PTPRO: variants seen among roughly 807,000 people sequenced by gnomAD.
PTPRO encodes protein tyrosine phosphatase receptor type O.
A neutral mutation model predicts 145.2 loss-of-function variants in PTPRO; 62 were observed. The observed-to-expected ratio is 0.43, with a 90% CI of 0.35 to 0.53. PTPRO has a LOEUF of 0.53. PTPRO is among the 20% of genes least tolerant of loss of function. The pLI, the probability that PTPRO is intolerant of heterozygous loss-of-function variation, is 0.01. For synonymous variants in PTPRO, 565 were observed against 514.7 expected, an observed-to-expected ratio of 1.10 and a Z score of -1.32; for missense variants, 1,345 against 1,482.7, an observed-to-expected ratio of 0.91 and a Z score of 1.53.
At chr12:15,548,204 A>G (rs1348544022) in intron 13 of PTPRO, among the ~76,000 whole-genome samples, 2 of 74,062 alleles carry the variant, frequency 2.7e-5, no homozygotes, top group Admixed American at 1.3e-4. Context: ...ACTTACGGTA[A>G]AAAAAAAATG....
chr12:15,455,368 T>A (rs1941150215), intron 1 of PTPRO, among the ~76,000 whole-genome samples: 1 of 151,424 alleles, frequency 6.6e-6, no homozygotes, highest in South Asian at 2.1e-4. Context: ...TTTTCCTGAG[T>A]TTTTTCTCAA....
intron 1 of PTPRO, among the ~76,000 whole-genome samples, chr12:15,345,856 G>C (rs190780222): frequency 1.2e-4 from 18 of 152,176 alleles, no homozygotes; most frequent in African/African-American, 4.3e-4. Context: ...GAAGGAAAAA[G>C]ACCTGAAAAA....
intron 1 of PTPRO, among the ~76,000 whole-genome samples, chr12:15,344,038 C>A (rs898104266): frequency 6.6e-6 from 1 of 152,180 alleles, no homozygotes; most frequent in Non-Finnish European, 1.5e-5. Flanking sequence ...ACATATCCTA[C>A]GTTGAACGAG....
chr12:15,532,777 T>G (rs190182559), intron 12 of PTPRO, among the ~76,000 whole-genome samples: 1 of 152,294 alleles, frequency 6.6e-6, no homozygotes, highest in Admixed American at 6.5e-5. Context: ...CTCTGACCTC[T>G]GTGGGTGTAA....
At chr12:15,433,423 T>C (rs1036455323) in intron 1 of PTPRO, among the ~76,000 whole-genome samples, 5 of 152,180 alleles carry the variant, frequency 3.3e-5, no homozygotes, top group African/African-American at 1.2e-4. Context: ...GACCTCATGA[T>C]CCGCCCGCCT....
rs2136188701 is a variant in PTPRO at position 15,322,891 on chromosome 12, C to A, written c.75+90C>A. ...GCTCTGCCGTTGGGAGCGGCGCGCC[C>A]CAGGGCACGATGGCCCAGCCGCGGG... On this transcript the variant is annotated intron_variant, in intron 1 of 26. Transcript: ENST00000281171. The surrounding 1 kb of genome is among the most constrained non-coding windows in gnomAD (Gnocchi z 6.3). 1.5e-6 allele frequency: 2 copies of A among 1,374,868 alleles called. No individual in the cohort carries two copies. Among genetic ancestry groups the A allele is most frequent in the Admixed American group, 2.0e-5 (1 of 49,400 alleles). 85.2% of individuals were successfully genotyped at this position (1,374,868 alleles called of 1,614,324 possible).
At chr12:15,563,376 C>T (rs548364560) in intron 17 of PTPRO, among the ~76,000 whole-genome samples, 1 of 152,060 alleles carries the variant, frequency 6.6e-6, no homozygotes, top group Admixed American at 6.6e-5. Flanking sequence ...CCTTAATTTG[C>T]GTGAATTTTC....
intron 7 of PTPRO, among the ~76,000 whole-genome samples, chr12:15,509,588 T>C (rs1942394508): frequency 1.3e-5 from 2 of 148,984 alleles, no homozygotes; most frequent in Admixed American, 6.8e-5. Flanking sequence ...TCCCAGCTAC[T>C]CGGGAAGCTG....
chr12:15,452,923 A>G (rs1941083270), intron 1 of PTPRO, among the ~76,000 whole-genome samples: 1 of 152,110 alleles, frequency 6.6e-6, no homozygotes, highest in African/African-American at 2.4e-5. Flanking sequence ...AATCTCATTT[A>G]TTTGTTGGAT....
chr12:15,447,693 AC>A (rs1940936061), intron 1 of PTPRO, among the ~76,000 whole-genome samples: 1 of 152,162 alleles, frequency 6.6e-6, no homozygotes, highest in South Asian at 2.1e-4. Context: ...ATGACTTTTC[AC>A]CAAAAAGCAA....
rs554175730 is a variant in PTPRO, at chr12:15,462,203, C to T, written c.76-21771C>T. Among the ~76,000 whole-genome samples, 24 of 152,268 alleles carry T rather than the reference C, an allele frequency of 1.6e-4. No homozygotes were observed. In the East Asian group the frequency reaches 4.6e-3, roughly 29 times the overall value. ...GCAATGGTGCAATCTTGGCTCACTG[C>T]AACCTCCACCTCCTGGGTTCAAGTG... On this transcript the variant is annotated intron_variant, in intron 1 of 26. Transcript: ENST00000281171.
chr12:15,533,253 T>C (rs1400587655), intron 12 of PTPRO, among the ~76,000 whole-genome samples: 1 of 152,224 alleles, frequency 6.6e-6, no homozygotes, highest in Non-Finnish European at 1.5e-5. Context: ...AAATTATTTC[T>C]AGTTAATGTA....
intron 2 of PTPRO, among the ~76,000 whole-genome samples, chr12:15,487,942 C>T (rs1941924251): frequency 6.6e-6 from 1 of 152,198 alleles, no homozygotes; most frequent in South Asian, 2.1e-4. Flanking sequence ...CTCGGAGCTG[C>T]TTTCTTCTTA....
chr12:15,389,768 C>G (rs1000677468), intron 1 of PTPRO, among the ~76,000 whole-genome samples: 6 of 152,190 alleles, frequency 3.9e-5, no homozygotes, highest in African/African-American at 1.4e-4. Context: ...AGGTTTCCTT[C>G]CAACATTGCC....
At chr12:15,408,506 C>A (rs1939706294) in intron 1 of PTPRO, among the ~76,000 whole-genome samples, 1 of 152,176 alleles carries the variant, frequency 6.6e-6, no homozygotes, top group South Asian at 2.1e-4. Flanking sequence ...TCCCTCACTG[C>A]AAACTCCGCC....
intron 15 of PTPRO, among the ~76,000 whole-genome samples, chr12:15,554,206 A>C (rs1170097580): frequency 6.6e-6 from 1 of 152,100 alleles, no homozygotes; most frequent in Non-Finnish European, 1.5e-5. Flanking sequence ...AAGAGAGTTG[A>C]GGCTAACTCC....
rs529990343 is a variant in PTPRO, at chr12:15,351,498, T to C, written c.75+28697T>C. 2.8e-4 allele frequency among the ~76,000 whole-genome samples: 42 copies of C among 152,116 alleles called. 1 individual carries two copies. The highest frequency in any genetic ancestry group is 2.2e-3 in the Admixed American group (33 of 15,284). ...CAACCAGCATATGATATTTCAAAGA[T>C]TATATGGAACAGGGAAACAGACTCT... is the stretch of plus-strand genomic sequence containing the variant. On this transcript the variant is annotated intron_variant, in intron 1 of 26. Coordinates refer to ENST00000281171, the MANE Select transcript of PTPRO (RefSeq NM_030667.3).
At chr12:15,385,080 A>G (rs1029736732) in intron 1 of PTPRO, among the ~76,000 whole-genome samples, 1 of 152,220 alleles carries the variant, frequency 6.6e-6, no homozygotes, top group African/African-American at 2.4e-5. Context: ...TTTTTACCAG[A>G]AAATTTATGG....
chr12:15,382,172 A>T (rs1217809139), intron 1 of PTPRO, among the ~76,000 whole-genome samples: 4 of 148,632 alleles, frequency 2.7e-5, no homozygotes, highest in Middle Eastern at 3.6e-3. Flanking sequence ...ATATATATAT[A>T]TATATTTATA....
Sources: gnomAD v4.1 joint callset for allele counts (sites outside exome capture counted in the v4.1 genomes callset) on GRCh38, gnomAD v4.1.1 for gene constraint, Gnocchi (gnomAD v3.1) non-coding constraint, MANE v1.5 for transcripts, NCBI Gene and HGNC (gene_info 2026-07-23, HGNC 2026-07-21) for gene names.